Variants in JMJD1C observed in about 807,000 individuals in gnomAD.
JMJD1C encodes jumonji domain containing 1C, also known as jumonji domain-containing protein 1C.
A neutral mutation model predicts 245.3 loss-of-function variants in JMJD1C; 31 were observed. That is an observed-to-expected ratio of 0.13 (90% CI 0.09 to 0.17). The LOEUF (loss-of-function observed/expected upper bound fraction) is 0.17, where lower values mean the gene tolerates loss of function less well. Among genes scored for constraint, JMJD1C ranks in the 10% least tolerant of loss-of-function variants. The probability of loss-of-function intolerance (pLI) is 1.00; values close to 1 mark genes in which losing one functional copy is unlikely to be tolerated. For synonymous variants in JMJD1C, 1,057 were observed against 1,017.4 expected, an observed-to-expected ratio of 1.04 and a Z score of -0.74; for missense variants, 2,691 against 3,000.2, an observed-to-expected ratio of 0.90 and a Z score of 2.41.
At chr10:63,273,367 T>C (rs766596203) in intron 2 of JMJD1C, among the ~76,000 whole-genome samples, 3 of 152,174 alleles carry the variant, frequency 2.0e-5, no homozygotes, top group Non-Finnish European at 4.4e-5. Context: ...AATATAAATA[T>C]ATTAATGTGA....
intron 1 of JMJD1C, among the ~76,000 whole-genome samples, chr10:63,504,400 C>T (rs768034862): frequency 5.3e-5 from 8 of 152,118 alleles, no homozygotes; most frequent in Non-Finnish European, 8.8e-5. Flanking sequence ...ATGAAGGAGT[C>T]ACCACGGAAT....
At chr10:63,413,305 A>G (rs2132678139) in intron 1 of JMJD1C, among the ~76,000 whole-genome samples, 1 of 152,310 alleles carries the variant, frequency 6.6e-6, no homozygotes, top group South Asian at 2.1e-4. Context: ...GTTGAGTATC[A>G]AAAGAGGTTA....
At chr10:63,412,231 T>C (rs1949529524) in intron 1 of JMJD1C, among the ~76,000 whole-genome samples, 2 of 152,102 alleles carry the variant, frequency 1.3e-5, no homozygotes, top group Admixed American at 1.3e-4. Context: ...AACAATGACA[T>C]AAAGTCAATT....
intron 3 of JMJD1C, among the ~76,000 whole-genome samples, chr10:63,237,099 G>A (rs1232601325): frequency 2.6e-5 from 4 of 151,930 alleles, no homozygotes; most frequent in Non-Finnish European, 5.9e-5. Flanking sequence ...GTGCAATGGC[G>A]CAATCTCGGC....
At chr10:63,427,534 A>T in intron 1 of JMJD1C, 1 of 1,377,150 alleles carries the variant, frequency 7.3e-7, no homozygotes, top group Non-Finnish European at 1.0e-6. Flanking sequence ...TTCAGTGTAC[A>T]TCCTGGAGGA....
At chr10:63,199,221 T>C (rs1208266003) in intron 11 of JMJD1C, among the ~76,000 whole-genome samples, 1 of 152,170 alleles carries the variant, frequency 6.6e-6, no homozygotes, top group African/African-American at 2.4e-5. Context: ...AAATTCTTAA[T>C]AGTTTTATAG....
chr10:63,434,765 A>C (rs753331504), intron 1 of JMJD1C, among the ~76,000 whole-genome samples: 13 of 152,194 alleles, frequency 8.5e-5, no homozygotes, highest in Non-Finnish European at 1.8e-4. Context: ...TGCTTTTAAG[A>C]AGCTACACAA....
At chr10:63,407,404 C>T (rs955251791) in intron 1 of JMJD1C, among the ~76,000 whole-genome samples, 4 of 152,120 alleles carry the variant, frequency 2.6e-5, no homozygotes, top group Non-Finnish European at 5.9e-5. Flanking sequence ...TAGGGCATAA[C>T]TCTGAAAGCC....
chr10:63,469,895 G>A (rs7080248), upstream of JMJD1C, among the ~76,000 whole-genome samples: 3,240 of 152,152 alleles, frequency 0.021, 111 homozygotes, highest in African/African-American at 0.072. Flanking sequence ...ATAAATTTAT[G>A]TTACCATTTT....
intron 1 of JMJD1C, among the ~76,000 whole-genome samples, chr10:63,512,373 T>C (rs1954896721): frequency 6.6e-6 from 1 of 152,182 alleles, no homozygotes; most frequent in Non-Finnish European, 1.5e-5. Flanking sequence ...ACATATTTCT[T>C]ACAAATCGGA....
intron 2 of JMJD1C, among the ~76,000 whole-genome samples, chr10:63,287,184 G>C (rs940160118): frequency 6.6e-6 from 1 of 152,168 alleles, no homozygotes. Context: ...AAACCAGCTT[G>C]GCAGCTTTTG....
At chr10:63,209,494 G>A (rs554136536) in intron 8 of JMJD1C, among the ~76,000 whole-genome samples, 22 of 152,152 alleles carry the variant, frequency 1.4e-4, no homozygotes, top group Non-Finnish European at 2.5e-4. Flanking sequence ...AACAGATCTT[G>A]AAATCAGTGC....
intron 2 of JMJD1C, among the ~76,000 whole-genome samples, chr10:63,298,021 C>T (rs953214256): frequency 6.6e-6 from 1 of 152,238 alleles, no homozygotes; most frequent in Non-Finnish European, 1.5e-5. Flanking sequence ...GCTGCAGCGA[C>T]AGCTGCTTAC....
rs1845719684 is a variant in JMJD1C, at chr10:63,198,836, AT to A, written c.5277-110del. On this transcript the variant is annotated intron_variant, in intron 11 of 25. Transcript: ENST00000399262. ...GTTTACATTGCATTATAAAATATGAATTACATTAAAAACAGGAAAACAGGTT... is the reference window on the plus strand; with the variant it reads ...GTTTACATTGCATTATAAAATATGAATACATTAAAAACAGGAAAACAGGTT... 6 of 581,154 alleles carry A rather than the reference AT, an allele frequency of 1.0e-5. No individual in the cohort carries two copies. In the South Asian group the frequency reaches 1.8e-4, roughly 18 times the overall value. 36.0% of individuals were successfully genotyped at this position (581,154 alleles called of 1,614,324 possible). A position where few individuals can be genotyped will look rare whatever the true frequency, so the allele number is the denominator to read the frequency against.
intron 1 of JMJD1C, among the ~76,000 whole-genome samples, chr10:63,503,489 T>C (rs186171598): frequency 3.6e-3 from 536 of 149,678 alleles, no homozygotes; most frequent in Middle Eastern, 6.9e-3. Context: ...ACCTGCATGA[T>C]CTATGATGGA....
At chr10:63,272,276 G>T (rs569548899) in intron 2 of JMJD1C, among the ~76,000 whole-genome samples, 2 of 152,190 alleles carry the variant, frequency 1.3e-5, no homozygotes, top group Admixed American at 6.5e-5. Context: ...TTGAGATGGA[G>T]TTTTGCTCTT....
At chr10:63,189,971 A>T (rs1411987930) in intron 17 of JMJD1C, among the ~76,000 whole-genome samples, 1 of 151,368 alleles carries the variant, frequency 6.6e-6, no homozygotes, top group Non-Finnish European at 1.5e-5. Flanking sequence ...GCTCACTACA[A>T]GCTCCGCCTC....
chr10:63,318,698 C>T (rs1341149566), intron 2 of JMJD1C, among the ~76,000 whole-genome samples: 1 of 152,020 alleles, frequency 6.6e-6, no homozygotes, highest in African/African-American at 2.4e-5. Context: ...GTTTCTTTGG[C>T]ATAGATAATT....
chr10:63,480,843 C>A (rs978137208), intron 1 of JMJD1C, among the ~76,000 whole-genome samples: 1 of 152,102 alleles, frequency 6.6e-6, no homozygotes, highest in East Asian at 1.9e-4. Flanking sequence ...TTTGTGACTA[C>A]CAACAACAGT....
Sources: allele counts gnomAD v4.1 joint callset (sites outside exome capture counted in the v4.1 genomes callset), GRCh38; gene constraint gnomAD v4.1.1; transcripts MANE v1.5; gene names NCBI Gene and HGNC (gene_info 2026-07-23, HGNC 2026-07-21).